TJP2: variants seen among roughly 807,000 people sequenced by gnomAD.
The protein encoded by TJP2 is Friedreich ataxia region gene X104 (tight junction protein ZO-2).
TJP2 carries 91 observed loss-of-function variants against 133.1 expected under a neutral mutation model. That is an observed-to-expected ratio of 0.68 (90% confidence interval 0.58 to 0.81). The LOEUF (loss-of-function observed/expected upper bound fraction) is 0.81, where lower values mean the gene tolerates loss of function less well. TJP2 is among the 40% of genes least tolerant of loss of function. The probability of loss-of-function intolerance (pLI) is 0.00; values close to 1 mark genes in which losing one functional copy is unlikely to be tolerated. For missense variants in TJP2, 1,541 were observed against 1,565.6 expected, an observed-to-expected ratio of 0.98 and a Z score of 0.26; for synonymous variants, 592 against 583.4, an observed-to-expected ratio of 1.01 and a Z score of -0.21.
Position 69,174,310 on chromosome 9 carries a change from G to C in TJP2, c.-63G>C. On this transcript the variant is annotated 5_prime_UTR_variant, in exon 1 of 23. Transcript: ENST00000377245. Reference sequence around the variant, plus strand: ...GTCCGGTGGTGCCCAGGAGGAGTAGGAGCAGGAGCAGAAGCAGAAGCGGGG... The same window carrying C: ...GTCCGGTGGTGCCCAGGAGGAGTAGCAGCAGGAGCAGAAGCAGAAGCGGGG... 2 of 1,549,830 alleles carry C rather than the reference G, an allele frequency of 1.3e-6. No homozygotes were observed. The highest frequency in any genetic ancestry group is 1.4e-5 in the African/African-American group (1 of 73,106).
intron 1 of TJP2, chr9:69,151,534 A>G (rs1823479938): frequency 1.8e-6 from 2 of 1,101,338 alleles, no homozygotes; most frequent in Non-Finnish European, 2.3e-6. Context: ...TGAAGGTACT[A>G]AAAGCCATCC....
rs1554669523 is a variant in TJP2 at position 69,254,196 on chromosome 9, C to G, written c.3408-13C>G. 5.0e-6 allele frequency: 8 copies of G among 1,614,018 alleles called. No individual in the cohort carries two copies. The highest frequency in any genetic ancestry group is 3.4e-6 in the Non-Finnish European group (4 of 1,180,004). The stretch of plus-strand genomic sequence containing the variant: ...TGTGCTCTGGAATGTCTTTAACACC[C>G]TTTTTTTGTTAGTTCCAGACCCCCT... On this transcript the variant is annotated splice_polypyrimidine_tract_variant and intron_variant, in intron 22 of 22. Coordinates refer to ENST00000377245, the MANE Select transcript of TJP2 (RefSeq NM_004817.4).
chr9:69,171,787 GA>G (rs1824694861), upstream of TJP2, among the ~76,000 whole-genome samples: 4 of 97,084 alleles, frequency 4.1e-5, no homozygotes, highest in Admixed American at 4.0e-4. Flanking sequence ...TTGAGTAGAA[GA>G]ATTTTTTTTT....
intron 9 of TJP2, 42 bp from the exon 10 acceptor site, chr9:69,229,142 G>T (rs772230941): frequency 2.5e-6 from 4 of 1,576,032 alleles, no homozygotes; most frequent in Middle Eastern, 3.3e-4. Context: ...ACGCACTCTT[G>T]TTAGTCCAGA....
intron 1 of TJP2, among the ~76,000 whole-genome samples, chr9:69,147,539 C>T (rs976680538): frequency 2.6e-5 from 4 of 152,122 alleles, no homozygotes; most frequent in East Asian, 1.9e-4. Context: ...CAGACAGAAA[C>T]GGGATGTTCT....
At position 69,125,070 on chromosome 9, in the gene TJP2, A is replaced by G. The variant is rs1205010725; in HGVS notation, c.-131+3345A>G. ...CAGGTTCAAGCGATTTTCGTGCCTC[A>G]GCCTCCCAAGTAGCTGGGTTTACAG... is the stretch of plus-strand genomic sequence containing the variant. On this transcript the variant is annotated intron_variant, in intron 1 of 5. Coordinates refer to the TJP2 transcript ENST00000423935. Among the ~76,000 whole-genome samples, 56 of 75,882 alleles carry G rather than the reference A, an allele frequency of 7.4e-4. 20 individuals carry two copies. Among genetic ancestry groups the G allele is most frequent in the African/African-American group, 2.3e-3 (56 of 24,590 alleles). The allele number at this position is 75,882 out of a possible 152,430, so 49.8% of individuals were successfully genotyped here. A position where few individuals can be genotyped will look rare whatever the true frequency, so the allele number is the denominator to read the frequency against.
At chr9:69,138,374 T>C (rs1413469519) in intron 1 of TJP2, among the ~76,000 whole-genome samples, 6 of 151,248 alleles carry the variant, frequency 4.0e-5, no homozygotes, top group Non-Finnish European at 4.4e-5. Flanking sequence ...AAGTATATAA[T>C]GGGCTCAGTC....
intron 1 of TJP2, among the ~76,000 whole-genome samples, chr9:69,178,693 T>C (rs1825271308): frequency 6.6e-6 from 1 of 152,220 alleles, no homozygotes; most frequent in Non-Finnish European, 1.5e-5. Flanking sequence ...TTTGTAGAGC[T>C]AGCTGTTTGT....
chr9:69,189,097 C>T (rs1225797652), intron 1 of TJP2, among the ~76,000 whole-genome samples: 1 of 152,200 alleles, frequency 6.6e-6, no homozygotes, highest in Non-Finnish European at 1.5e-5. Context: ...CTTTCTTCTA[C>T]TATCTAACTG....
At chr9:69,211,164 C>G (rs1157223919) in intron 1 of TJP2, among the ~76,000 whole-genome samples, 2 of 152,056 alleles carry the variant, frequency 1.3e-5, no homozygotes, top group Non-Finnish European at 2.9e-5. Flanking sequence ...ATGGTGAAGC[C>G]CCATCTCTAC....
intron 1 of TJP2, among the ~76,000 whole-genome samples, chr9:69,184,371 T>A (rs994089099): frequency 9.9e-5 from 15 of 152,198 alleles, no homozygotes; most frequent in African/African-American, 3.6e-4. Context: ...TGCTTGACCT[T>A]CCACCTTCTC....
intron 11 of TJP2, 92 bp from the exon 12 acceptor site, chr9:69,234,347 A>G (rs911964142): frequency 2.8e-6 from 3 of 1,078,098 alleles, no homozygotes; most frequent in Non-Finnish European, 4.0e-6. Flanking sequence ...GGTCAGTGGC[A>G]TCTTACTATA....
intron 1 of TJP2, among the ~76,000 whole-genome samples, chr9:69,210,882 A>C (rs1827854104): frequency 6.6e-6 from 1 of 151,360 alleles, no homozygotes; most frequent in Non-Finnish European, 1.5e-5. Flanking sequence ...ATGTGCCACC[A>C]TGCCTGGCTA....
In TJP2 at chr9:69,221,300, C is replaced by T. The variant is rs746480050; in HGVS notation, c.756C>T (p.Ala252=). 33 of 1,606,418 alleles carry T rather than the reference C, an allele frequency of 2.1e-5. No individual in the cohort carries two copies. Among genetic ancestry groups the T allele is most frequent in the Non-Finnish European group, 2.7e-5 (32 of 1,176,886 alleles). ...GCATTGACCAGGACTACGAGCGAGC[C>T]TATCACCGGGCCTACGACCCAGACT... ...GRSIDQDYER[A]YHRAYDPDYE... is the part of the protein sequence containing the mutation. The change falls in exon 5 of 23, where the codon GCC becomes GCT. Residue 252 remains alanine, a synonymous_variant. Coordinates refer to ENST00000377245, the MANE Select transcript of TJP2 (RefSeq NM_004817.4).
At chr9:69,179,866 A>G (rs1375179206) in intron 1 of TJP2, among the ~76,000 whole-genome samples, 1 of 152,178 alleles carries the variant, frequency 6.6e-6, no homozygotes, top group Non-Finnish European at 1.5e-5. Flanking sequence ...AGGCTGACCA[A>G]AAGATTTCGA....
intron 15 of TJP2, 32 bp from the exon 16 acceptor site, chr9:69,238,678 A>G (rs756263063): frequency 1.9e-6 from 3 of 1,589,012 alleles, no homozygotes; most frequent in Admixed American, 3.4e-5. Context: ...TTTTCTAAAC[A>G]ATTATTTAGC....
intron 2 of TJP2, among the ~76,000 whole-genome samples, chr9:69,158,726 T>G (rs1238256969): frequency 6.6e-6 from 1 of 152,064 alleles, no homozygotes; most frequent in Non-Finnish European, 1.5e-5. Context: ...GTGTTGGGAT[T>G]ATAGGTGTGA....
intron 22 of TJP2, 130 bp downstream of exon 22, chr9:69,253,030 C>T: frequency 1.3e-6 from 1 of 777,418 alleles, no homozygotes; most frequent in Non-Finnish European, 2.1e-6. Context: ...GACTGTTTGC[C>T]TTACTCATTC....
At chr9:69,137,345 A>T (rs1274870470) in intron 1 of TJP2, among the ~76,000 whole-genome samples, 1 of 70,484 alleles carries the variant, frequency 1.4e-5, no homozygotes. Context: ...TTTTTTTGAG[A>T]CAGGGTTTTG....
Sources: allele counts gnomAD v4.1 joint callset (sites outside exome capture counted in the v4.1 genomes callset), GRCh38; gene constraint gnomAD v4.1.1; transcripts MANE v1.5; gene names NCBI Gene and HGNC (gene_info 2026-07-23, HGNC 2026-07-21).